The following ZNF143 variants were observed in gnomAD, a reference collection of about 807,000 sequenced individuals.
ZNF143 encodes the protein zinc finger protein 143.
A neutral mutation model predicts 74.1 loss-of-function variants in ZNF143; 49 were observed. That is an observed-to-expected ratio of 0.66 (90% CI 0.53 to 0.84). The LOEUF (loss-of-function observed/expected upper bound fraction) is 0.84. Ranked by LOEUF, ZNF143 falls within the 40% of genes least tolerant of loss-of-function variation. ZNF143 has a pLI of 0.00. For missense variants in ZNF143, 637 were observed against 793.4 expected (o/e 0.80, Z 2.37); for synonymous variants, 304 against 282.8 (o/e 1.07, Z -0.75).
intron 7 of ZNF143, among the ~76,000 whole-genome samples, chr11:9,488,449 C>G (rs565790661): frequency 6.6e-6 from 1 of 152,210 alleles, no homozygotes; most frequent in Non-Finnish European, 1.5e-5. Context: ...ACATAATACT[C>G]TCATGTTGTT....
At chr11:9,525,614 A>G in intron 15 of ZNF143, 1 of 560,244 alleles carries the variant, frequency 1.8e-6, no homozygotes, top group Non-Finnish European at 3.2e-6. Flanking sequence ...GCAAGAAAAA[A>G]AACCTTCAGG....
intron 6 of ZNF143, among the ~76,000 whole-genome samples, chr11:9,478,846 CA>C (rs1179433190): frequency 6.6e-6 from 1 of 150,562 alleles, no homozygotes; most frequent in African/African-American, 2.4e-5. Flanking sequence ...CAGTTAGTAT[CA>C]AAGAGATCAG....
chr11:9,464,114 G>GTA (rs1856045197), intron 1 of ZNF143, among the ~76,000 whole-genome samples: 1 of 149,062 alleles, frequency 6.7e-6, no homozygotes, highest in East Asian at 1.9e-4. Context: ...GTGTGTGTGT[G>GTA]TATTTGTGTA....
chr11:9,473,739 G>A (rs1856720890), intron 3 of ZNF143: 3 of 1,504,360 alleles, frequency 2.0e-6, no homozygotes, highest in South Asian at 1.2e-5. Context: ...TTGCAGGGGA[G>A]GAAGGATGGC....
At position 9,525,482 on chromosome 11, in the gene ZNF143, C is replaced by A. The variant is rs564263455; in HGVS notation, c.1833+96C>A. On this transcript the variant is annotated intron_variant, in intron 15 of 15. Transcript: ENST00000396602. ...CTTCGTGTATAACCTTTACAGGAGG[C>A]AAGGTGTAGAATAATCTCTATCACC... 1.8e-4 allele frequency: 272 copies of A among 1,500,368 alleles called. No homozygotes were observed. In the African/African-American group the frequency reaches 3.4e-3, roughly 19 times the overall value. The allele number at this position is 1,500,368 out of a possible 1,614,324, so 92.9% of individuals were successfully genotyped here.
chr11:9,477,108 T>C (rs1305844179), intron 5 of ZNF143, among the ~76,000 whole-genome samples: 1 of 147,254 alleles, frequency 6.8e-6, no homozygotes, highest in Non-Finnish European at 1.5e-5. Flanking sequence ...AAGTAAAGTC[T>C]GCACCCCTTC....
At chr11:9,483,352 C>T (rs1847327346) in intron 7 of ZNF143, among the ~76,000 whole-genome samples, 1 of 118,384 alleles carries the variant, frequency 8.4e-6, no homozygotes, top group Non-Finnish European at 1.6e-5. Context: ...GACTGGAGTG[C>T]AGTGGCGCGA....
At chr11:9,499,413 TAATG>T (rs982996725) in intron 10 of ZNF143, among the ~76,000 whole-genome samples, 1 of 152,230 alleles carries the variant, frequency 6.6e-6, no homozygotes, top group Admixed American at 6.5e-5. Context: ...TAGGCTGACA[TAATG>T]AATAAAACTT....
intron 11 of ZNF143, 67 bp downstream of exon 11, chr11:9,501,337 A>C: frequency 6.5e-7 from 1 of 1,531,042 alleles, no homozygotes. Context: ...CTTTTCCAGA[A>C]ACCATTTCCA....
At position 9,468,335 on chromosome 11, in the gene ZNF143, C is replaced by T. The variant is rs1045138181; in HGVS notation, c.-7-2967C>T. Among the ~76,000 whole-genome samples the T allele has an allele frequency of 5.3e-5, 8 of 152,228 alleles. 1 individual carries two copies. The highest frequency in any genetic ancestry group is 1.9e-4 in the East Asian group (1 of 5,208). On this transcript the variant is annotated intron_variant, in intron 1 of 15. Coordinates refer to ENST00000396602, the MANE Select transcript of ZNF143 (RefSeq NM_003442.6). ...GATGTTCATTTCTAAATTCTTGTCT[C>T]TGCTCTCAGCTCTTTCCTGACAGGT...
intron 7 of ZNF143, among the ~76,000 whole-genome samples, chr11:9,487,611 C>T (rs564854524): frequency 2.0e-5 from 3 of 152,322 alleles, no homozygotes; most frequent in Non-Finnish European, 4.4e-5. Context: ...CCTGCCTCGG[C>T]CTCCCAGAGT....
At chr11:9,509,375 A>G (rs943867335) in intron 12 of ZNF143, among the ~76,000 whole-genome samples, 1 of 152,242 alleles carries the variant, frequency 6.6e-6, no homozygotes, top group Admixed American at 6.5e-5. Flanking sequence ...ATAACTCTTC[A>G]TTGATTCAGG....
chr11:9,477,833 G>C (rs1333356394), intron 5 of ZNF143, among the ~76,000 whole-genome samples: 1 of 151,820 alleles, frequency 6.6e-6, no homozygotes, highest in Non-Finnish European at 1.5e-5. Flanking sequence ...TTTGTTTTTG[G>C]TTTGTTTTTT....
intron 7 of ZNF143, among the ~76,000 whole-genome samples, chr11:9,486,439 A>ATATAATT (rs1343381933): frequency 0.018 from 412 of 23,036 alleles, 15 homozygotes; most frequent in South Asian, 0.028. Context: ...TTATATATAT[A>ATATAATT]ATATATTATA....
rs1028982178 is a variant in ZNF143, at chr11:9,502,772, G to A, written c.1147+1502G>A. On this transcript the variant is annotated intron_variant, in intron 11 of 15. Transcript: ENST00000396602. ...CCGCCCCCCAGGTGTAAGCAATCAC[G>A]AATCTACTTTCTCTTCTATGGGTTT... 2.6e-5 allele frequency among the ~76,000 whole-genome samples: 4 copies of A among 151,724 alleles called. No homozygotes were observed. In the East Asian group the frequency reaches 7.7e-4, roughly 29 times the overall value.
At chr11:9,520,025 ATTTTTTTTTTTTTT>A (rs954404348) in intron 14 of ZNF143, among the ~76,000 whole-genome samples, 21 of 91,380 alleles carry the variant, frequency 2.3e-4, no homozygotes, top group African/African-American at 9.0e-4. Context: ...GTTTCCACCA[ATTTTTTTTTTTTTT>A]TTTTTTTTTT....
In ZNF143 at chr11:9,500,119, AT is replaced by A. The variant is rs538736832; in HGVS notation, c.968-964del. Among the ~76,000 whole-genome samples the A allele has an allele frequency of 7.3e-5, 11 of 151,336 alleles. No individual in the cohort carries two copies. The East Asian group carries it at 2.2e-3, about 30-fold the overall frequency. The stretch of plus-strand genomic sequence containing the variant: ...CCACTACACCCAGCTAATTTTTTGA[AT>A]TTTTTTTGTAGAGACGGGGTTTCGC... On this transcript the variant is annotated intron_variant, in intron 10 of 15. Transcript: ENST00000396602.
intron 6 of ZNF143, 38 bp downstream of exon 6, chr11:9,478,624 A>T (rs751413948): frequency 6.4e-7 from 1 of 1,560,610 alleles, no homozygotes; most frequent in East Asian, 2.3e-5. Flanking sequence ...TTGCAGATAT[A>T]GCTTCTTTAT....
chr11:9,510,269 C>T (rs1255858478), intron 12 of ZNF143, among the ~76,000 whole-genome samples: 9 of 151,832 alleles, frequency 5.9e-5, no homozygotes, highest in Non-Finnish European at 1.0e-4. Flanking sequence ...GGACTACAGG[C>T]GCCCGCCACC....
Sources: allele counts gnomAD v4.1 joint callset (sites outside exome capture counted in the v4.1 genomes callset), GRCh38; gene constraint gnomAD v4.1.1; transcripts MANE v1.5; gene names NCBI Gene and HGNC (gene_info 2026-07-23, HGNC 2026-07-21).